Variants in RAMAC observed in about 807,000 individuals in gnomAD.
The protein encoded by RAMAC is RNA guanine-7 methyltransferase activating subunit.
A neutral mutation model predicts 17.9 loss-of-function variants in RAMAC; 11 were observed. That is an observed-to-expected ratio of 0.61 (90% CI 0.39 to 1.02). The LOEUF is 1.02. RAMAC is among the 50% of genes least tolerant of loss of function. The pLI is 0.01. For synonymous variants in RAMAC, 27 were observed against 48.4 expected (o/e 0.56, Z 1.84); for missense variants, 109 against 144.0 (o/e 0.76, Z 1.25).
intron 1 of RAMAC, among the ~76,000 whole-genome samples, chr15:82,986,609 G>T (rs1445689491): frequency 6.6e-6 from 1 of 152,182 alleles, no homozygotes; most frequent in African/African-American, 2.4e-5. Context: ...AAACGCAGTT[G>T]TTTTCAGTCT....
Position 82,986,250 on chromosome 15 carries a change from T to C in RAMAC, c.-178T>C, listed in dbSNP as rs562257631. 4.4e-6 allele frequency: 1 copy of C among 228,530 alleles called. No homozygotes were observed. Among genetic ancestry groups the C allele is most frequent in the East Asian group, 1.8e-4 (1 of 5,434 alleles). The allele number at this position is 228,530 out of a possible 1,614,324, so 14.2% of individuals were successfully genotyped here. A position where few individuals can be genotyped will look rare whatever the true frequency, so the allele number is the denominator to read the frequency against. On this transcript the variant is annotated 5_prime_UTR_variant, in exon 1 of 4. Coordinates refer to ENST00000304191, the MANE Select transcript of RAMAC (RefSeq NM_031452.4). Reference sequence around the variant, plus strand: ...TTTAGAGGAAGGCGCTCGGTTACATTGGAGAACTGGAGTGGTCTGGAGTTC... The same window carrying C: ...TTTAGAGGAAGGCGCTCGGTTACATCGGAGAACTGGAGTGGTCTGGAGTTC...
Position 82,990,330 on chromosome 15 carries a change from A to G in RAMAC, c.*263A>G. The G allele has an allele frequency of 3.9e-6, 1 of 253,846 alleles. No individual in the cohort carries two copies. 15.7% of individuals were successfully genotyped at this position (253,846 alleles called of 1,614,324 possible). ...CTTAATAGTGCTTTAAGTTTGGTAT[A>G]TTATTTGACCTCTAGGAATTCTTTG... On this transcript the variant is annotated 3_prime_UTR_variant, in exon 4 of 4. Transcript: ENST00000304191.
chr15:82,988,753 G>A (rs1431142700), intron 2 of RAMAC: 2 of 470,032 alleles, frequency 4.3e-6, no homozygotes, highest in East Asian at 1.1e-4. Context: ...AGGATTGTTT[G>A]AGCCAGGGAA....
At chr15:82,988,361 T>C (rs2030714227) in intron 2 of RAMAC, 1 of 164,796 alleles carries the variant, frequency 6.1e-6, no homozygotes, top group Non-Finnish European at 1.3e-5. Context: ...AATCTACATA[T>C]TGTTTCTTGC....
Position 82,989,859 on chromosome 15 carries a change from C to A in RAMAC, c.171-22C>A, listed in dbSNP as rs1288898409. ...TTTTTAACAAGGGAAGTTTAAAGATCTTTTTTGTTTTATTGTTGTAGGTTG... is the reference window on the plus strand; with the variant it reads ...TTTTTAACAAGGGAAGTTTAAAGATATTTTTTGTTTTATTGTTGTAGGTTG... On this transcript the variant is annotated intron_variant, in intron 3 of 3. Coordinates refer to ENST00000304191, the MANE Select transcript of RAMAC (RefSeq NM_031452.4). 4 of 1,606,496 alleles carry A rather than the reference C, an allele frequency of 2.5e-6. No individual in the cohort carries two copies. In the African/African-American group the frequency reaches 4.0e-5, roughly 16 times the overall value.
chr15:82,987,304 A>G (rs1363542567), intron 1 of RAMAC, 32 bp from the exon 2 acceptor site: 2 of 152,198 alleles, frequency 1.3e-5, no homozygotes, highest in Non-Finnish European at 2.9e-5. Context: ...GTTTCCTTAA[A>G]TAAAGTCAAG....
At position 82,989,153 on chromosome 15, in the gene RAMAC, C is replaced by T; in HGVS notation, c.135C>T (p.Ser45=). The change falls in exon 3 of 4, where the codon AGC becomes AGT. Residue 45 remains serine, a synonymous_variant. Transcript: ENST00000304191. The stretch of plus-strand genomic sequence containing the variant: ...CTCCAATTGTTGAGGAATGGAATAG[C>T]AGAGCTGGTGGGAACCAAAGAAACA... ...ESPPIVEEWN[S]RAGGNQRNRG... is the part of the protein sequence containing the mutation. The T allele has an allele frequency of 6.2e-7, 1 of 1,613,686 alleles. No individual in the cohort carries two copies. The highest frequency in any genetic ancestry group is 1.1e-5 in the South Asian group (1 of 91,010).
chr15:82,989,223 T>C, intron 3 of RAMAC, 35 bp downstream of exon 3: 1 of 1,604,706 alleles, frequency 6.2e-7, no homozygotes, highest in Non-Finnish European at 8.5e-7. Flanking sequence ...AGATAGTTGA[T>C]CTGGCAGAGG....
chr15:82,987,802 G>T (rs893428630), intron 2 of RAMAC, among the ~76,000 whole-genome samples: 1 of 152,110 alleles, frequency 6.6e-6, no homozygotes, highest in African/African-American at 2.4e-5. Flanking sequence ...TACTTTGGGA[G>T]GCTGAGGCAG....
chr15:82,986,755 G>A (rs1327711283), intron 1 of RAMAC, among the ~76,000 whole-genome samples: 2 of 152,154 alleles, frequency 1.3e-5, no homozygotes, highest in Non-Finnish European at 2.9e-5. Flanking sequence ...CAGTATTCAA[G>A]TACAAATCTG....
chr15:82,989,067 A>G lies in RAMAC; in HGVS notation c.49A>G (p.Ser17Gly), dbSNP rs373175542. 3.7e-6 allele frequency: 6 copies of G among 1,613,742 alleles called. No homozygotes were observed. In the African/African-American group the frequency reaches 6.7e-5, roughly 18 times the overall value. Residue 17 changes from serine (S) to glycine (G), a missense_variant, in exon 3 of 4, where the codon AGT becomes GGT. Transcript: ENST00000304191. ...TCCAAAGTTTGAAGAGATGTTTGCT[A>G]GTAGATTCACAGAAAATGACAAGGA... The part of the protein sequence containing the change: ...AVPKFEEMFA[S>G]RFTENDKEYQ...
In RAMAC at chr15:82,990,702, T is replaced by C. The variant is rs1303477432; in HGVS notation, c.*635T>C. On this transcript the variant is annotated 3_prime_UTR_variant, in exon 4 of 4. Transcript: ENST00000304191. ...ATTGTCAGTTTGTGTCTTGATCTGG[T>C]GGTGGTTGGGATAAGGGTACACATC... The C allele has an allele frequency of 2.1e-6, 3 of 1,461,812 alleles. No homozygotes were observed. The highest frequency in any genetic ancestry group is 4.9e-5 in the East Asian group (2 of 40,404). 90.6% of individuals were successfully genotyped at this position (1,461,812 alleles called of 1,614,324 possible). A position where few individuals can be genotyped will look rare whatever the true frequency, so the allele number is the denominator to read the frequency against.
chr15:82,988,326 G>A (rs150334698), intron 2 of RAMAC: 2,023 of 162,568 alleles, frequency 0.012, 53 homozygotes, highest in African/African-American at 0.047. Context: ...GCAAGACTCC[G>A]TCTGGGGGAA....
rs2030812158 is a variant in RAMAC at position 82,990,576 on chromosome 15, T to C, written c.*509T>C. ...TTTTTTTGCATTTGTTAAGTGACTA[T>C]GGTACTTTGTGATTCCTTAATCTAT... On this transcript the variant is annotated 3_prime_UTR_variant, in exon 4 of 4. Transcript: ENST00000304191. 2 of 1,209,356 alleles carry C rather than the reference T, an allele frequency of 1.7e-6. No homozygotes were observed. Among genetic ancestry groups the C allele is most frequent in the Admixed American group, 4.5e-5 (2 of 44,790 alleles). The allele number at this position is 1,209,356 out of a possible 1,614,324, so 74.9% of individuals were successfully genotyped here. A position where few individuals can be genotyped will look rare whatever the true frequency, so the allele number is the denominator to read the frequency against.
Position 82,990,543 on chromosome 15 carries a change from C to CTT in RAMAC, c.*489_*490dup, listed in dbSNP as rs397854504. ...CAGCAGTTGAAAGGTAAAACAATTG[C>CTT]TTTTTTTTTTTTTTGCATTTGTTAA... On this transcript the variant is annotated 3_prime_UTR_variant, in exon 4 of 4. Coordinates refer to ENST00000304191, the MANE Select transcript of RAMAC (RefSeq NM_031452.4). 81,046 of 678,244 alleles carry CTT rather than the reference C, an allele frequency of 0.12. 2,231 individuals are homozygous for CTT. The highest frequency in any genetic ancestry group is 0.21 in the South Asian group (9,283 of 43,734). The allele number at this position is 678,244 out of a possible 1,614,324, so 42.0% of individuals were successfully genotyped here. A position where few individuals can be genotyped will look rare whatever the true frequency, so the allele number is the denominator to read the frequency against.
At chr15:82,989,219 T>C in intron 3 of RAMAC, 31 bp downstream of exon 3, 1 of 1,606,256 alleles carries the variant, frequency 6.2e-7, no homozygotes, top group Non-Finnish European at 8.5e-7. Flanking sequence ...ATGCAGATAG[T>C]TGATCTGGCA....
chr15:82,988,678 C>T (rs1007296256), intron 2 of RAMAC: 4 of 445,534 alleles, frequency 9.0e-6, no homozygotes, highest in African/African-American at 2.0e-5. Context: ...TCAAAAAATA[C>T]GAAAATTAGC....
chr15:82,989,291 A>C, intron 3 of RAMAC, 103 bp downstream of exon 3: 1 of 1,150,594 alleles, frequency 8.7e-7, no homozygotes, highest in Non-Finnish European at 1.2e-6. Flanking sequence ...TGTTTTTGGT[A>C]TGGCATACCT....
chr15:82,989,740 T>G (rs1052723916), intron 3 of RAMAC, 141 bp from the exon 4 acceptor site: 4 of 1,087,362 alleles, frequency 3.7e-6, no homozygotes, highest in Non-Finnish European at 3.9e-6. Flanking sequence ...TAACTGGCAC[T>G]ATAACATTCT....
Sources: allele counts gnomAD v4.1 joint callset (sites outside exome capture counted in the v4.1 genomes callset), GRCh38; gene constraint gnomAD v4.1.1; transcripts MANE v1.5; gene names NCBI Gene and HGNC (gene_info 2026-07-23, HGNC 2026-07-21).